RFX3: variants seen among roughly 807,000 people sequenced by gnomAD.
RFX3 encodes the protein regulatory factor X3.
Under a neutral mutation model 98.6 loss-of-function variants are expected in RFX3, and 14 were observed. The observed-to-expected ratio is 0.14, with a 90% CI of 0.09 to 0.22. The LOEUF is 0.22. Ranked by LOEUF, RFX3 falls within the 10% of genes least tolerant of loss-of-function variation. RFX3 has a pLI of 1.00. For synonymous variants in RFX3, 383 were observed against 328.4 expected (o/e 1.17, Z -1.80); for missense variants, 639 against 926.9 (o/e 0.69, Z 4.03).
At chr9:3,362,601 T>C (rs1322792289) in intron 2 of RFX3, among the ~76,000 whole-genome samples, 1 of 152,240 alleles carries the variant, frequency 6.6e-6, no homozygotes, top group African/African-American at 2.4e-5. Flanking sequence ...TAAAACTACA[T>C]GATTGCTATA....
intron 4 of RFX3, among the ~76,000 whole-genome samples, chr9:3,304,203 C>G (rs1415551601): frequency 6.6e-6 from 1 of 151,916 alleles, no homozygotes; most frequent in Non-Finnish European, 1.5e-5. Context: ...ATAAGAACTT[C>G]CGAGAAGCAT....
In RFX3 at chr9:3,248,087, A is replaced by G. The variant is rs1820922547; in HGVS notation, c.1913T>C (p.Val638Ala). The G allele has an allele frequency of 1.2e-6, 2 of 1,613,928 alleles. No individual in the cohort carries two copies. The highest frequency in any genetic ancestry group is 1.7e-6 in the Non-Finnish European group (2 of 1,179,936). ...LLYDEYMFYL[V>A]EHRVAQATGE... ...TGTTGCCTGAGCAACACGATGTTCT[A>G]CTAAGTAAAACATATATTCGTCGTA... The change falls in exon 15 of 17, where the codon GTA (valine) becomes GCA (alanine). Residue 638 changes from valine (V) to alanine (A), a missense_variant. Physicochemically the swap from Val to Ala is moderately conservative, Grantham distance 64. This residue lies in a region of RFX3 where 138 missense variants were observed against 308.9 expected (regional missense o/e 0.45). Transcript: ENST00000617270.
chr9:3,272,532 T>C (rs1586828938), intron 9 of RFX3, among the ~76,000 whole-genome samples: 2 of 152,108 alleles, frequency 1.3e-5, no homozygotes, highest in African/African-American at 2.4e-5. Context: ...TCAGTAACAA[T>C]AAAAATGCAA....
At chr9:3,290,750 T>G (rs1827229438) in intron 6 of RFX3, among the ~76,000 whole-genome samples, 1 of 152,172 alleles carries the variant, frequency 6.6e-6, no homozygotes, top group African/African-American at 2.4e-5. Flanking sequence ...GTATAATCAC[T>G]TAAAATGCTA....
chr9:3,225,653 G>T (rs2130570119), intron 16 of RFX3, among the ~76,000 whole-genome samples: 1 of 152,190 alleles, frequency 6.6e-6, no homozygotes, highest in African/African-American at 2.4e-5. Context: ...AATGTACTGA[G>T]CTGAAAACGC....
chr9:3,330,271 G>A lies in RFX3; in HGVS notation c.462C>T (p.Ala154=), dbSNP rs758120164. 1.9e-6 allele frequency: 3 copies of A among 1,614,062 alleles called. No individual in the cohort carries two copies. In the East Asian group the frequency reaches 6.7e-5, roughly 36 times the overall value. The part of the protein sequence containing the change: ...SGHSVTHTTR[A]SPATIEMAIE... Reference sequence around the variant, plus strand: ...TTCAAATACTTACTGTCGCTGGGGAGGCCCGAGTTGTGTGTGTCACTGAGT... The same window carrying A: ...TTCAAATACTTACTGTCGCTGGGGAAGCCCGAGTTGTGTGTGTCACTGAGT... Residue 154 remains alanine, a synonymous_variant, in exon 4 of 17, where the codon GCC becomes GCT. Coordinates refer to ENST00000617270, the MANE Select transcript of RFX3 (RefSeq NM_001282116.2).
At chr9:3,424,810 A>T (rs894759185) in intron 1 of RFX3, among the ~76,000 whole-genome samples, 2 of 152,248 alleles carry the variant, frequency 1.3e-5, no homozygotes, top group African/African-American at 4.8e-5. Context: ...TATATAATAC[A>T]TATAGATCGA....
At chr9:3,242,602 T>C (rs560495259) in intron 15 of RFX3, among the ~76,000 whole-genome samples, 24 of 152,312 alleles carry the variant, frequency 1.6e-4, no homozygotes, top group African/African-American at 5.8e-4. Flanking sequence ...ATGAATGTAA[T>C]TCTACTTCCA....
At chr9:3,505,057 A>C (rs1235110003) in intron 1 of RFX3, among the ~76,000 whole-genome samples, 5 of 90,198 alleles carry the variant, frequency 5.5e-5, no homozygotes, top group African/African-American at 9.2e-5. Context: ...ATTATATATA[A>C]AATATATAAT....
rs1817938295 is a variant in RFX3, at chr9:3,227,661, G to A, written c.2011+1186C>T. Among the ~76,000 whole-genome samples, 3 of 152,170 alleles carry A rather than the reference G, an allele frequency of 2.0e-5. No individual in the cohort carries two copies. In the South Asian group the frequency reaches 6.2e-4, roughly 31 times the overall value. On this transcript the variant is annotated intron_variant, in intron 16 of 16. Coordinates refer to ENST00000617270, the MANE Select transcript of RFX3 (RefSeq NM_001282116.2). ...TGAAATCCCTAAATTTGGGTTATGAGGCTTTGGTGTGAGTATATCATCAGT... is the reference window on the plus strand; with the variant it reads ...TGAAATCCCTAAATTTGGGTTATGAAGCTTTGGTGTGAGTATATCATCAGT...
intron 1 of RFX3, among the ~76,000 whole-genome samples, chr9:3,463,636 A>G (rs529740676): frequency 1.3e-5 from 2 of 152,220 alleles, no homozygotes; most frequent in African/African-American, 2.4e-5. Flanking sequence ...ATGTAAATAT[A>G]TATACAGAAC....
intron 2 of RFX3, among the ~76,000 whole-genome samples, chr9:3,352,700 C>T (rs1200234251): frequency 6.6e-6 from 1 of 151,992 alleles, no homozygotes. Flanking sequence ...ATGATGTTTT[C>T]AGTCATGTGA....
At chr9:3,251,485 T>C (rs1821392105) in intron 14 of RFX3, among the ~76,000 whole-genome samples, 1 of 152,072 alleles carries the variant, frequency 6.6e-6, no homozygotes, top group East Asian at 1.9e-4. Context: ...AGGCACTTGC[T>C]ACCATGCTCA....
At chr9:3,392,675 C>G (rs1840438398) in intron 2 of RFX3, among the ~76,000 whole-genome samples, 1 of 151,892 alleles carries the variant, frequency 6.6e-6, no homozygotes, top group South Asian at 2.1e-4. Flanking sequence ...CAATGCACAT[C>G]ATCATAAAGT....
rs1344793615 is a variant in RFX3 at position 3,349,459 on chromosome 9, T to C, written c.118-2695A>G. ...GGATTTGCTGTATTTAATTTTGATT[T>C]AATTTTGTTTTATGATTACATGAAA... is the stretch of plus-strand genomic sequence containing the variant. On this transcript the variant is annotated intron_variant, in intron 2 of 16. Transcript: ENST00000617270. 3.3e-5 allele frequency among the ~76,000 whole-genome samples: 5 copies of C among 152,240 alleles called. No homozygotes were observed. The East Asian group carries it at 9.6e-4, about 29-fold the overall frequency.
At chr9:3,337,607 G>T (rs548023401) in intron 3 of RFX3, among the ~76,000 whole-genome samples, 2 of 152,280 alleles carry the variant, frequency 1.3e-5, no homozygotes, top group South Asian at 4.1e-4. Flanking sequence ...GTACCCAGGG[G>T]TAGCAATGGC....
intron 1 of RFX3, among the ~76,000 whole-genome samples, chr9:3,524,877 A>ACACACC (rs1406396684): frequency 2.0e-5 from 2 of 99,706 alleles, no homozygotes; most frequent in Middle Eastern, 5.1e-3. Context: ...ACACACACAC[A>ACACACC]CCAAAGAAGA....
chr9:3,451,482 G>C (rs572241669), intron 1 of RFX3, among the ~76,000 whole-genome samples: 3 of 152,040 alleles, frequency 2.0e-5, no homozygotes, highest in African/African-American at 4.8e-5. Context: ...AGGTCGAGGC[G>C]GCAGTGAGCT....
At chr9:3,265,690 T>G (rs1016060825) in intron 12 of RFX3, among the ~76,000 whole-genome samples, 3 of 152,314 alleles carry the variant, frequency 2.0e-5, no homozygotes, top group Admixed American at 2.0e-4. Flanking sequence ...TGATTAATTA[T>G]GAGTTAATTG....
Sources: allele counts gnomAD v4.1 joint callset (sites outside exome capture counted in the v4.1 genomes callset), GRCh38; gene constraint gnomAD v4.1.1; regional missense constraint gnomAD v4.1.1; transcripts MANE v1.5; gene names NCBI Gene and HGNC (gene_info 2026-07-23, HGNC 2026-07-21).